Variants in LUC7L2 observed in about 807,000 individuals in gnomAD.
The protein encoded by LUC7L2 is LUC7 like 2, pre-mRNA splicing factor, also known as putative RNA-binding protein Luc7-like 2.
In LUC7L2, 25 loss-of-function variants were observed where a neutral mutation model predicts 52.8. The observed-to-expected ratio is 0.47, with a 90% CI of 0.34 to 0.66. LUC7L2 has a LOEUF of 0.66. Among genes scored for constraint, LUC7L2 ranks in the 30% least tolerant of loss-of-function variants. The pLI is 0.01. For missense variants in LUC7L2, 328 were observed against 497.8 expected (o/e 0.66, Z 3.25); for synonymous variants, 144 against 160.9 (o/e 0.89, Z 0.80).
intron 2 of LUC7L2, among the ~76,000 whole-genome samples, chr7:139,380,969 G>A (rs1243508648): frequency 6.6e-6 from 1 of 152,124 alleles, no homozygotes; most frequent in Non-Finnish European, 1.5e-5. Flanking sequence ...TTAGGACATG[G>A]CAAATGTATA....
At chr7:139,406,812 T>C (rs1167853202) in intron 5 of LUC7L2, among the ~76,000 whole-genome samples, 6 of 152,274 alleles carry the variant, frequency 3.9e-5, no homozygotes. Context: ...TTAATCTAGC[T>C]GGTCAGTTTT....
chr7:139,381,087 TAA>T (rs1440562941), intron 2 of LUC7L2, among the ~76,000 whole-genome samples: 2 of 152,102 alleles, frequency 1.3e-5, no homozygotes, highest in African/African-American at 4.8e-5. Context: ...TCTTCTAGTG[TAA>T]AGTCATCATT....
At chr7:139,398,241 GTATATA>G (rs1569386087) in intron 2 of LUC7L2, among the ~76,000 whole-genome samples, 4 of 152,020 alleles carry the variant, frequency 2.6e-5, no homozygotes, top group Non-Finnish European at 4.4e-5. Flanking sequence ...ACAATTTGAT[GTATATA>G]TTCTTTTAGT....
At chr7:139,406,274 A>G (rs1053681283) in intron 5 of LUC7L2, among the ~76,000 whole-genome samples, 1 of 151,442 alleles carries the variant, frequency 6.6e-6, no homozygotes, top group Non-Finnish European at 1.5e-5. Context: ...CTGGTCTTGA[A>G]CACCCAACCT....
intron 2 of LUC7L2, among the ~76,000 whole-genome samples, chr7:139,393,125 G>A (rs1401027684): frequency 6.6e-6 from 1 of 152,072 alleles, no homozygotes; most frequent in African/African-American, 2.4e-5. Context: ...AAATTAGCCA[G>A]GTGTGGTGGT....
chr7:139,412,825 TAAAA>T (rs10593094), intron 8 of LUC7L2: 21,994 of 122,330 alleles, frequency 0.18, 4,850 homozygotes, highest in African/African-American at 0.54. Flanking sequence ...ACTCTGTCTT[TAAAA>T]AAAAAAAAAA....
chr7:139,398,573 A>C (rs772914516), intron 2 of LUC7L2, 26 bp from the exon 3 acceptor site: 1 of 1,566,914 alleles, frequency 6.4e-7, no homozygotes, highest in African/African-American at 1.4e-5. Context: ...TTTTTGTTTT[A>C]ATATTATGTC....
chr7:139,365,235 C>G (rs1426100264), intron 1 of LUC7L2, among the ~76,000 whole-genome samples: 6 of 152,204 alleles, frequency 3.9e-5, no homozygotes. Context: ...AAAAGTATCA[C>G]TTCATATAAC....
intron 1 of LUC7L2, chr7:139,375,834 C>A: frequency 2.3e-6 from 1 of 426,482 alleles, no homozygotes; most frequent in East Asian, 4.2e-5. Context: ...TAACAGAATG[C>A]ATTGCTTTCT....
intron 2 of LUC7L2, among the ~76,000 whole-genome samples, chr7:139,391,070 A>G (rs140989468): frequency 4.9e-4 from 74 of 152,258 alleles, no homozygotes; most frequent in African/African-American, 1.7e-3. Context: ...AGAGGTTTCC[A>G]TATCAGTTGT....
intron 2 of LUC7L2, among the ~76,000 whole-genome samples, chr7:139,378,168 C>T (rs1227458431): frequency 1.3e-5 from 2 of 152,002 alleles, no homozygotes; most frequent in Admixed American, 6.6e-5. Context: ...TATTTTATAC[C>T]GTGTGCTATG....
chr7:139,370,474 T>G (rs760266000), intron 1 of LUC7L2, among the ~76,000 whole-genome samples: 2 of 152,194 alleles, frequency 1.3e-5, no homozygotes, highest in Non-Finnish European at 2.9e-5. Flanking sequence ...TTTGTTTGGT[T>G]TGAGACAGAG....
intron 2 of LUC7L2, among the ~76,000 whole-genome samples, chr7:139,395,293 T>A (rs1794609912): frequency 6.6e-6 from 1 of 152,224 alleles, no homozygotes; most frequent in Non-Finnish European, 1.5e-5. Flanking sequence ...TTAGGAATAT[T>A]TAAGTTTTTC....
Position 139,381,670 on chromosome 7 carries a change from G to A in LUC7L2, c.156+5514G>A, listed in dbSNP as rs931199011. Among the ~76,000 whole-genome samples the A allele has an allele frequency of 8.2e-4, 123 of 150,662 alleles. 2 individuals carry two copies. The highest frequency in any genetic ancestry group is 5.8e-4 in the Non-Finnish European group (39 of 67,734). ...CGGCTCACTGCAACCTCCCACTCCC[G>A]GGTTCAAGTGATTTTCCTACCCCAG... On this transcript the variant is annotated intron_variant, in intron 2 of 9. Coordinates refer to ENST00000354926, the MANE Select transcript of LUC7L2 (RefSeq NM_016019.5).
chr7:139,371,639 T>C (rs999050118), intron 1 of LUC7L2, among the ~76,000 whole-genome samples: 3 of 152,168 alleles, frequency 2.0e-5, no homozygotes, highest in African/African-American at 7.2e-5. Flanking sequence ...AAGGTTGTAA[T>C]GTTACTAATA....
chr7:139,379,549 CTTTTTTTTTTTTTTTTTTTTTTTTTT>C (rs539771697), intron 2 of LUC7L2, among the ~76,000 whole-genome samples: 4 of 52,722 alleles, frequency 7.6e-5, no homozygotes, highest in African/African-American at 3.5e-4. Context: ...ATAACTAATG[CTTTTTTTTTTTTTTTTTTTTTTTTTT>C]TTTTTTTTTT....
intron 9 of LUC7L2, among the ~76,000 whole-genome samples, chr7:139,418,397 T>A (rs1446110873): frequency 6.6e-6 from 1 of 152,222 alleles, no homozygotes; most frequent in Non-Finnish European, 1.5e-5. Context: ...TGTCAAAACT[T>A]CTCAGGTCAC....
chr7:139,421,250 A>G (rs1795892503), intron 9 of LUC7L2, among the ~76,000 whole-genome samples: 1 of 152,244 alleles, frequency 6.6e-6, no homozygotes, highest in Non-Finnish European at 1.5e-5. Flanking sequence ...TTACTTATTC[A>G]GGTTCTTGGT....
chr7:139,350,452 T>TA (rs749526048), intron 1 of LUC7L2, among the ~76,000 whole-genome samples: 18 of 151,958 alleles, frequency 1.2e-4, no homozygotes, highest in Non-Finnish European at 2.6e-4. Context: ...ATGTTGTTGT[T>TA]ATGTATCCAT....
Sources: allele counts gnomAD v4.1 joint callset (sites outside exome capture counted in the v4.1 genomes callset), GRCh38; gene constraint gnomAD v4.1.1; transcripts MANE v1.5; gene names NCBI Gene and HGNC (gene_info 2026-07-23, HGNC 2026-07-21).